The following ANAPC2 variants were observed in gnomAD, a reference collection of about 807,000 sequenced individuals.
The protein encoded by ANAPC2 is anaphase promoting complex subunit 2.
Under a neutral mutation model 84.3 loss-of-function variants are expected in ANAPC2, and 29 were observed. The observed-to-expected ratio is 0.34, with a 90% CI of 0.26 to 0.47. The LOEUF (loss-of-function observed/expected upper bound fraction) is 0.47, where lower values mean the gene tolerates loss of function less well. ANAPC2 is among the 20% of genes least tolerant of loss of function. The pLI is 1.00. For missense variants in ANAPC2, 857 were observed against 1,131.7 expected (o/e 0.76, Z 3.48); for synonymous variants, 571 against 479.4 (o/e 1.19, Z -2.50).
Position 137,175,288 on chromosome 9 carries a change from C to T in ANAPC2, c.2205G>A (p.Glu735=), listed in dbSNP as rs201343294. The change falls in exon 12 of 13, where the codon GAG becomes GAA. Residue 735 remains glutamate (E), a synonymous_variant. Transcript: ENST00000323927. The stretch of plus-strand genomic sequence containing the variant: ...CCTGGGAGGCCATGCCGGAGTCGCT[C>T]TCGTCGTCACTGTCAATGAGCACCA... ...DNMVLIDSDD[E]SDSGMASQAD... is the part of the protein sequence containing the mutation. 4 of 1,612,672 alleles carry T rather than the reference C, an allele frequency of 2.5e-6. No homozygotes were observed. The highest frequency in any genetic ancestry group is 3.4e-6 in the Non-Finnish European group (4 of 1,179,856).
chr9:137,188,105 T>C lies in ANAPC2; in HGVS notation c.118-2A>G. 1 of 1,608,508 alleles carries C rather than the reference T, an allele frequency of 6.2e-7. No homozygotes were observed. Among genetic ancestry groups the C allele is most frequent in the Non-Finnish European group, 8.5e-7 (1 of 1,178,106 alleles). On this transcript the variant is annotated splice_acceptor_variant, in intron 1 of 12. Transcript: ENST00000323927. LOFTEE classifies it high-confidence loss of function. ...TGCACCGCTGGTCCGGGAAGACACC[T>C]GGGGTGCAGAAAACCGTGAGGCGAG...
intron 10 of ANAPC2, among the ~76,000 whole-genome samples, chr9:137,177,821 G>A (rs1196037133): frequency 6.6e-6 from 1 of 152,152 alleles, no homozygotes; most frequent in African/African-American, 2.4e-5. Flanking sequence ...CTAAGAGGGA[G>A]ATAGGAACAG....
rs2131339894 is a variant in ANAPC2, at chr9:137,184,926, G to A, written c.1035C>T (p.Phe345=). The A allele has an allele frequency of 6.2e-7, 1 of 1,612,736 alleles. No homozygotes were observed. Among genetic ancestry groups the A allele is most frequent in the East Asian group, 2.2e-5 (1 of 44,860 alleles). The change falls in exon 4 of 13, where the codon TTC becomes TTT. Residue 345 remains phenylalanine (F), a synonymous_variant. Transcript: ENST00000323927. ...GGGCAGGACCACCTCGGACGATGCT[G>A]AAGAGCTCCTCGATGCGCAGGCTGG... ...IYASLRIEEL[F]SIVRDFPDSR...
At position 137,179,351 on chromosome 9, in the gene ANAPC2, G is replaced by A. The variant is rs537500938; in HGVS notation, c.1890+830C>T. The stretch of plus-strand genomic sequence containing the variant: ...CGACCATCCCGACCCCTTCCTCCCC[G>A]AGCCGACACCTCCCACCTGTGACGA... On this transcript the variant is annotated intron_variant, in intron 10 of 12. Transcript: ENST00000323927. Among the ~76,000 whole-genome samples the A allele has an allele frequency of 2.0e-5, 3 of 151,912 alleles. No homozygotes were observed. In the South Asian group the frequency reaches 6.2e-4, roughly 32 times the overall value.
chr9:137,187,376 G>A (rs775927625), intron 2 of ANAPC2, 105 bp downstream of exon 2: 2 of 1,425,582 alleles, frequency 1.4e-6, no homozygotes, highest in African/African-American at 2.9e-5. Flanking sequence ...CATGTTCCTG[G>A]TTATCAGGAC....
At position 137,180,491 on chromosome 9, in the gene ANAPC2, A is replaced by G; in HGVS notation, c.1647T>C (p.Phe549=). ...CACAGAAGTGCATTGGGGCCTCGCC[A>G]AAGCGCAGCTTCAGCAGCTCCACGT... The part of the protein sequence containing the change: ...IRNVELLKLR[F]GEAPMHFCEV... Residue 549 remains phenylalanine, a synonymous_variant, in exon 9 of 13, where the codon TTT becomes TTC. Coordinates refer to ENST00000323927, the MANE Select transcript of ANAPC2 (RefSeq NM_013366.4). 2 of 1,613,022 alleles carry G rather than the reference A, an allele frequency of 1.2e-6. No homozygotes were observed. Among genetic ancestry groups the G allele is most frequent in the Non-Finnish European group, 1.7e-6 (2 of 1,179,934 alleles).
At chr9:137,186,199 C>G (rs770730157) in intron 3 of ANAPC2, 25 bp downstream of exon 3, 1 of 1,608,532 alleles carries the variant, frequency 6.2e-7, no homozygotes, top group Non-Finnish European at 8.5e-7. Context: ...TCCAGCGGGG[C>G]ACAGCCCAAG....
At chr9:137,188,349 G>C (rs375516831) in intron 1 of ANAPC2, 67 bp downstream of exon 1, 27 of 1,513,868 alleles carry the variant, frequency 1.8e-5, no homozygotes, top group East Asian at 1.7e-4. Flanking sequence ...CCCGAGGGTA[G>C]CGGCCCCAAA....
rs2131343778 is a variant in ANAPC2, at chr9:137,188,108, G to A, written c.118-5C>T. ...ACCGCTGGTCCGGGAAGACACCTGG[G>A]GTGCAGAAAACCGTGAGGCGAGGGG... On this transcript the variant is annotated splice_polypyrimidine_tract_variant and splice_region_variant and intron_variant, in intron 1 of 12. Coordinates refer to ENST00000323927, the MANE Select transcript of ANAPC2 (RefSeq NM_013366.4). The A allele has an allele frequency of 1.2e-6, 2 of 1,608,486 alleles. No homozygotes were observed. Among genetic ancestry groups the A allele is most frequent in the Non-Finnish European group, 1.7e-6 (2 of 1,178,114 alleles).
At position 137,180,444 on chromosome 9, in the gene ANAPC2, G is replaced by C. The variant is rs1381476662; in HGVS notation, c.1686+8C>G. 6.2e-7 allele frequency: 1 copy of C among 1,612,854 alleles called. No homozygotes were observed. The highest frequency in any genetic ancestry group is 1.1e-5 in the South Asian group (1 of 91,086). Reference sequence around the variant, plus strand: ...GGCGGCCGGGCAGCGGGCGGGGCTGGGACCCACCTTCAGCATGACTTCACA... The same window carrying C: ...GGCGGCCGGGCAGCGGGCGGGGCTGCGACCCACCTTCAGCATGACTTCACA... On this transcript the variant is annotated splice_region_variant and intron_variant, in intron 9 of 12. Transcript: ENST00000323927.
intron 3 of ANAPC2, 135 bp from the exon 4 acceptor site, chr9:137,185,222 G>A: frequency 1.1e-6 from 1 of 938,144 alleles, no homozygotes; most frequent in Non-Finnish European, 1.5e-6. Flanking sequence ...CCTGCGTCTG[G>A]AGGCTGGAGC....
intron 10 of ANAPC2, chr9:137,176,050 G>GA (rs1834202995): frequency 3.7e-6 from 2 of 542,904 alleles, no homozygotes; most frequent in African/African-American, 2.9e-5. Flanking sequence ...CATAAGGTGT[G>GA]TCCCGAAAAG....
At chr9:137,175,947 C>A in intron 10 of ANAPC2, 110 bp from the exon 11 acceptor site, 1 of 1,366,708 alleles carries the variant, frequency 7.3e-7, no homozygotes, top group Non-Finnish European at 9.8e-7. Context: ...ACCTGCCCCA[C>A]CCCACCCTGG....
intron 2 of ANAPC2, chr9:137,187,209 G>A (rs1163955505): frequency 4.1e-6 from 2 of 489,228 alleles, no homozygotes; most frequent in Non-Finnish European, 7.3e-6. Flanking sequence ...AGTCCAGGAA[G>A]TTTGGAGTTG....
At chr9:137,186,600 A>G in intron 2 of ANAPC2, 1 of 532,356 alleles carries the variant, frequency 1.9e-6, no homozygotes, top group South Asian at 2.9e-5. Flanking sequence ...GCCTCTATCC[A>G]GGTAGGGACA....
intron 3 of ANAPC2, 34 bp downstream of exon 3, chr9:137,186,190 C>G: frequency 2.5e-6 from 4 of 1,605,846 alleles, no homozygotes; most frequent in Non-Finnish European, 3.4e-6. Context: ...TCCCCTGTCT[C>G]CAGCGGGGCA....
intron 10 of ANAPC2, among the ~76,000 whole-genome samples, 165 bp downstream of exon 10, chr9:137,180,016 C>T (rs971477105): frequency 1.3e-5 from 2 of 152,324 alleles, no homozygotes; most frequent in East Asian, 1.9e-4. Flanking sequence ...GCGGAGAGAG[C>T]GTGGGCCAGG....
At chr9:137,181,540 G>A in intron 7 of ANAPC2, 141 bp downstream of exon 7, 1 of 958,150 alleles carries the variant, frequency 1.0e-6, no homozygotes, top group Non-Finnish European at 1.5e-6. Flanking sequence ...GCACTGCCCT[G>A]ACCTTTGACA....
intron 6 of ANAPC2, among the ~76,000 whole-genome samples, chr9:137,182,693 G>A (rs1224636934): frequency 6.6e-6 from 1 of 152,160 alleles, no homozygotes; most frequent in Admixed American, 6.5e-5. Flanking sequence ...AGGCAGCCAT[G>A]TCAAGGTCCT....
Sources: allele counts gnomAD v4.1 joint callset (sites outside exome capture counted in the v4.1 genomes callset), GRCh38; gene constraint gnomAD v4.1.1; transcripts MANE v1.5; gene names NCBI Gene and HGNC (gene_info 2026-07-23, HGNC 2026-07-21).